Variants in RAPGEF1 observed in about 807,000 individuals in gnomAD.
RAPGEF1 encodes CRK SH3-binding GNRP.
RAPGEF1 carries 33 observed loss-of-function variants against 143.3 expected under a neutral mutation model. The ratio of observed to expected loss-of-function variants is 0.23; its 90% CI spans 0.17 to 0.31. RAPGEF1 has a LOEUF of 0.31. Ranked by LOEUF, RAPGEF1 falls within the 10% of genes least tolerant of loss-of-function variation. RAPGEF1 has a pLI of 1.00. For missense variants in RAPGEF1, 1,199 were observed against 1,645.4 expected (o/e 0.73, Z 4.69); for synonymous variants, 629 against 676.5 (o/e 0.93, Z 1.09).
intron 1 of RAPGEF1, among the ~76,000 whole-genome samples, chr9:131,724,527 G>GGAGCTTGCAGTGAGCC (rs1836507115): frequency 6.6e-6 from 1 of 152,086 alleles, no homozygotes; most frequent in African/African-American, 2.4e-5. Context: ...CCCGGGAGGC[G>GGAGCTTGCAGTGAGCC]GAGCTTGCAG....
At chr9:131,686,568 G>C (rs537677599) in intron 1 of RAPGEF1, among the ~76,000 whole-genome samples, 3 of 152,272 alleles carry the variant, frequency 2.0e-5, no homozygotes, top group Admixed American at 6.5e-5. Flanking sequence ...CAAGATGCTG[G>C]GTTCCCTCTC....
intron 15 of RAPGEF1, 89 bp from the exon 16 acceptor site, chr9:131,598,399 C>A (rs1006232232): frequency 2.8e-6 from 3 of 1,066,274 alleles, no homozygotes; most frequent in African/African-American, 1.6e-5. Flanking sequence ...GTGCACGGCT[C>A]GAAACCGCTC....
chr9:131,705,633 C>T (rs1834997776), intron 1 of RAPGEF1, among the ~76,000 whole-genome samples: 1 of 152,096 alleles, frequency 6.6e-6, no homozygotes, highest in Non-Finnish European at 1.5e-5. Context: ...ATTTCTCGAC[C>T]ACGAGAAGCA....
Position 131,583,438 on chromosome 9 carries a change from G to A in RAPGEF1, c.3415-736C>T, listed in dbSNP as rs1183347919. ...GGGTCTCTGACATGACCCCTGGGTG[G>A]CCTGGGTCACACTCGGGTTCCTGAC... On this transcript the variant is annotated intron_variant, in intron 24 of 26. Coordinates refer to ENST00000683357, the MANE Select transcript of RAPGEF1 (RefSeq NM_001377935.1). The surrounding 1 kb of genome is among the most constrained non-coding windows in gnomAD (Gnocchi z 4.7). 6.6e-6 allele frequency among the ~76,000 whole-genome samples: 1 copy of A among 151,048 alleles called. No homozygotes were observed. Among genetic ancestry groups the A allele is most frequent in the Non-Finnish European group, 1.5e-5 (1 of 67,730 alleles).
chr9:131,583,767 A>AC lies in RAPGEF1; in HGVS notation c.3414+543dup, dbSNP rs1050864527. Among the ~76,000 whole-genome samples, 5 of 151,776 alleles carry AC rather than the reference A, an allele frequency of 3.3e-5. No individual in the cohort carries two copies. The highest frequency in any genetic ancestry group is 1.2e-4 in the African/African-American group (5 of 41,278). ...CCTCCTCCTGTCCCTGGAGGTGCTGACCCCCACCTGCTCCTGGCTGTGCAC... is the reference window on the plus strand; with the variant it reads ...CCTCCTCCTGTCCCTGGAGGTGCTGACCCCCCACCTGCTCCTGGCTGTGCAC... On this transcript the variant is annotated intron_variant, in intron 24 of 26. Transcript: ENST00000683357. The surrounding 1 kb of genome is among the most constrained non-coding windows in gnomAD (Gnocchi z 4.7).
chr9:131,668,791 T>G (rs1377803837), intron 1 of RAPGEF1, among the ~76,000 whole-genome samples: 1 of 152,228 alleles, frequency 6.6e-6, no homozygotes, highest in Non-Finnish European at 1.5e-5. Flanking sequence ...AGAGTGATGG[T>G]AAAATAACAG....
rs1832102186 is a variant in RAPGEF1 at position 131,675,155 on chromosome 9, T to C, written c.62-24206A>G. Among the ~76,000 whole-genome samples, 1 of 151,996 alleles carries C rather than the reference T, an allele frequency of 6.6e-6. No homozygotes were observed. Among genetic ancestry groups the C allele is most frequent in the Non-Finnish European group, 1.5e-5 (1 of 67,996 alleles). On this transcript the variant is annotated intron_variant, in intron 1 of 26. Coordinates refer to ENST00000683357, the MANE Select transcript of RAPGEF1 (RefSeq NM_001377935.1). The surrounding 1 kb of genome is among the most constrained non-coding windows in gnomAD (Gnocchi z 4.6). ...TTAAAAAGAAGCTGGTGAGATTTGC[T>C]GCACTTGGCTAGATTTGCTGCACTT...
Position 131,584,440 on chromosome 9 carries a change from G to A in RAPGEF1, c.3313-28C>T, listed in dbSNP as rs369722337. The A allele has an allele frequency of 1.4e-5, 22 of 1,613,264 alleles. No homozygotes were observed. The African/African-American group carries it at 2.7e-4, about 20-fold the overall frequency. On this transcript the variant is annotated intron_variant, in intron 23 of 26. Transcript: ENST00000683357. The surrounding 1 kb of genome is among the most constrained non-coding windows in gnomAD (Gnocchi z 6.8). The stretch of plus-strand genomic sequence containing the variant: ...GCCGAGAGAGGGGCGGTGCCGTGAG[G>A]CAGGAGGGCAGGCGGGTCCCGGGCT...
At chr9:131,593,242 A>G (rs1398124950) in intron 17 of RAPGEF1, among the ~76,000 whole-genome samples, 1 of 152,226 alleles carries the variant, frequency 6.6e-6, no homozygotes, top group Non-Finnish European at 1.5e-5. Context: ...GGGGGCTGGT[A>G]CCAGTCAGGG....
rs547827121 is a variant in RAPGEF1, at chr9:131,587,604, C to A, written c.3233+132G>T. ...CAGCCTGTCAGTGCTCATGGGAACC[C>A]CCAGGAGCTTAGCGGAATGAAAGAG... On this transcript the variant is annotated intron_variant, in intron 22 of 26. Transcript: ENST00000683357. The A allele has an allele frequency of 1.2e-5, 10 of 854,988 alleles. No individual in the cohort carries two copies. In the South Asian group the frequency reaches 1.6e-4, roughly 14 times the overall value. 53.0% of individuals were successfully genotyped at this position (854,988 alleles called of 1,614,324 possible).
At chr9:131,630,547 A>G (rs1226842078) in intron 5 of RAPGEF1, among the ~76,000 whole-genome samples, 1 of 152,210 alleles carries the variant, frequency 6.6e-6, no homozygotes, top group Non-Finnish European at 1.5e-5. Flanking sequence ...TCAAGTTTCA[A>G]ATGCGTAAAG....
chr9:131,733,598 G>A (rs190147194), intron 1 of RAPGEF1, among the ~76,000 whole-genome samples: 49 of 152,244 alleles, frequency 3.2e-4, no homozygotes, highest in Admixed American at 6.5e-4. Context: ...CAAACGGTGG[G>A]TTTTATTTAT....
intron 1 of RAPGEF1, among the ~76,000 whole-genome samples, chr9:131,720,085 C>G (rs1247388567): frequency 1.3e-5 from 2 of 152,090 alleles, no homozygotes; most frequent in African/African-American, 4.8e-5. Context: ...AGGGTTTCAT[C>G]ATGTTGGCCA....
At chr9:131,610,851 T>G (rs532244911) in intron 12 of RAPGEF1, among the ~76,000 whole-genome samples, 1 of 152,310 alleles carries the variant, frequency 6.6e-6, no homozygotes, top group Non-Finnish European at 1.5e-5. Context: ...CTTATCTGAT[T>G]TGATTCTTAT....
At chr9:131,724,654 G>T (rs1222027525) in intron 1 of RAPGEF1, among the ~76,000 whole-genome samples, 1 of 152,076 alleles carries the variant, frequency 6.6e-6, no homozygotes, top group African/African-American at 2.4e-5. Context: ...CAGCATCCAC[G>T]GCCTGGTAAA....
chr9:131,586,401 A>AAC (rs58177991), intron 22 of RAPGEF1, among the ~76,000 whole-genome samples: 6,417 of 12,516 alleles, frequency 0.51, 2,260 homozygotes, highest in Admixed American at 0.63. Context: ...CTCCGTCTCA[A>AAC]ACACACACAC....
intron 1 of RAPGEF1, among the ~76,000 whole-genome samples, chr9:131,719,747 A>C (rs1836128099): frequency 6.6e-6 from 1 of 151,992 alleles, no homozygotes; most frequent in Admixed American, 6.6e-5. Context: ...CAGAGGAGGA[A>C]ACTAAGACAC....
chr9:131,596,303 C>T lies in RAPGEF1; in HGVS notation c.2684G>A (p.Arg895Lys). ...TGAGCTCACTGACACCCTACCTTTC[C>T]TGTCAGTCTCAGTAGCATGGACCAG... ...ILLVHATETD[R>K]KDLVLYCEAF... The change falls in exon 17 of 27, where the codon AGG (arginine) becomes AAG (lysine). Residue 895 changes from arginine (R) to lysine (K), a missense_variant. Transcript: ENST00000683357. 1 of 1,613,964 alleles carries T rather than the reference C, an allele frequency of 6.2e-7. No homozygotes were observed. The highest frequency in any genetic ancestry group is 1.1e-5 in the South Asian group (1 of 91,086).
At chr9:131,737,388 T>C (rs1589134428) in intron 1 of RAPGEF1, 1 of 1,613,746 alleles carries the variant, frequency 6.2e-7, no homozygotes, top group Non-Finnish European at 8.5e-7. Context: ...CCCGCACTCA[T>C]GACACCCCTC....
Sources: gnomAD v4.1 joint callset for allele counts (sites outside exome capture counted in the v4.1 genomes callset) on GRCh38, gnomAD v4.1.1 for gene constraint, Gnocchi (gnomAD v3.1) non-coding constraint, MANE v1.5 for transcripts, NCBI Gene and HGNC (gene_info 2026-07-23, HGNC 2026-07-21) for gene names.